Variants in FAM200B observed in about 807,000 individuals in gnomAD.
FAM200B encodes the protein zinc finger BED-type containing 11, also known as protein FAM200B.
Under a neutral mutation model 33.1 loss-of-function variants are expected in FAM200B, and 32 were observed. The ratio of observed to expected loss-of-function variants is 0.97; its 90% confidence interval spans 0.73 to 1.30. FAM200B has a LOEUF of 1.30. Among genes scored for constraint, FAM200B ranks in the 50% most tolerant of loss-of-function variants. FAM200B has a pLI of 0.00. For synonymous variants in FAM200B, 240 were observed against 264.8 expected (o/e 0.91, Z 0.91); for missense variants, 741 against 754.0 (o/e 0.98, Z 0.20).
At chr4:15,655,453 C>T in the FAM200B span, 4 of 928,346 alleles carry the variant, frequency 4.3e-6, no homozygotes, top group Non-Finnish European at 5.1e-6. Context: ...CAGGCCGCCG[C>T]CATGCGATCC....
chr4:15,683,920 C>G (rs1045831835), intron 1 of FAM200B, among the ~76,000 whole-genome samples: 3 of 152,186 alleles, frequency 2.0e-5, no homozygotes, highest in Non-Finnish European at 2.9e-5. Flanking sequence ...AAGCACTATT[C>G]TAGGAACAGG....
rs1718972760 is a variant in FAM200B, at chr4:15,687,462, T to C, written c.485T>C (p.Ile162Thr). Reference protein sequence around the residue: ...LVAYRVAKEKIANTAAEKIIL... With the variant: ...LVAYRVAKEKTANTAAEKIIL... ...GCATATCGTGTGGCAAAAGAGAAAATAGCTAACACAGCTGCTGAAAAAATT... is the reference window on the plus strand; with the variant it reads ...GCATATCGTGTGGCAAAAGAGAAAACAGCTAACACAGCTGCTGAAAAAATT... The change falls in exon 2 of 2, where the codon ATA (isoleucine) becomes ACA (threonine). Residue 162 changes from isoleucine (I) to threonine (T), a missense_variant. Coordinates refer to ENST00000422728, the MANE Select transcript of FAM200B (RefSeq NM_001145191.2). 6.4e-7 allele frequency: 1 copy of C among 1,551,188 alleles called. No homozygotes were observed.
At chr4:15,648,613 G>C in the FAM200B span, among the ~76,000 whole-genome samples, 1 of 152,206 alleles carries the variant, frequency 6.6e-6, no homozygotes, top group Non-Finnish European at 1.5e-5. Flanking sequence ...AAATAAGCCA[G>C]AGACAGAGAG....
the FAM200B span, among the ~76,000 whole-genome samples, chr4:15,663,320 T>G: frequency 6.6e-6 from 1 of 152,228 alleles, no homozygotes; most frequent in Non-Finnish European, 1.5e-5. Context: ...ATCTTTATTA[T>G]TAGACACCTA....
the FAM200B span, among the ~76,000 whole-genome samples, chr4:15,641,896 G>A: frequency 1.3e-5 from 2 of 151,912 alleles, no homozygotes; most frequent in Non-Finnish European, 2.9e-5. Context: ...GTGTAATGAT[G>A]GGCACCTGTA....
chr4:15,665,448 A>C, the FAM200B span, among the ~76,000 whole-genome samples: 1 of 152,186 alleles, frequency 6.6e-6, no homozygotes, highest in Non-Finnish European at 1.5e-5. Context: ...TCTACCTTGC[A>C]GGAATTACCC....
At chr4:15,640,713 T>G in the FAM200B span, 56 of 765,544 alleles carry the variant, frequency 7.3e-5, no homozygotes, top group Non-Finnish European at 9.7e-5. Context: ...ATGCATTATT[T>G]TGAAGAGTCT....
chr4:15,655,679 C>T, the FAM200B span, among the ~76,000 whole-genome samples: 1 of 152,222 alleles, frequency 6.6e-6, no homozygotes, highest in Admixed American at 6.5e-5. Context: ...CCACCACGGC[C>T]TTGAGGAGAG....
chr4:15,687,049 T>C lies in FAM200B; in HGVS notation c.72T>C (p.Ser24=), dbSNP rs1351406107. The C allele has an allele frequency of 6.5e-7, 1 of 1,529,904 alleles. No individual in the cohort carries two copies. The highest frequency in any genetic ancestry group is 8.8e-7 in the Non-Finnish European group (1 of 1,132,796). 94.8% of individuals were successfully genotyped at this position (1,529,904 alleles called of 1,614,324 possible). Residue 24 remains serine (S), a synonymous_variant, in exon 2 of 2, where the codon TCT becomes TCC. Transcript: ENST00000422728. ...VKYTEACSSS[S]VESGIVNSDN... ...ATACAGAAGCATGTTCAAGTTCATC[T>C]GTTGAATCTGGAATTGTGAATAGTG... is the stretch of plus-strand genomic sequence containing the variant.
chr4:15,644,348 A>G, the FAM200B span: 1 of 665,152 alleles, frequency 1.5e-6, no homozygotes, highest in South Asian at 2.0e-5. Flanking sequence ...CTTTTTAAAT[A>G]GTCTTCCTTG....
rs1718951949 is a variant in FAM200B, at chr4:15,687,360, A to T, written c.383A>T (p.Asp128Val). 6.5e-7 allele frequency: 1 copy of T among 1,546,446 alleles called. No homozygotes were observed. The highest frequency in any genetic ancestry group is 2.4e-5 in the East Asian group (1 of 40,822). The change falls in exon 2 of 2, where the codon GAC becomes GTC. Residue 128 changes from aspartate (D) to valine (V), a missense_variant. Transcript: ENST00000422728. Reference sequence around the variant, plus strand: ...GAATATTTTCAAAGAAAGAAAAAAGACATAAAGTTATCAACACAATTTCTT... The same window carrying T: ...GAATATTTTCAAAGAAAGAAAAAAGTCATAAAGTTATCAACACAATTTCTT... The part of the protein sequence containing the change: ...PLEYFQRKKK[D>V]IKLSTQFLSC...
At chr4:15,677,212 T>C (rs980976683), upstream of FAM200B, among the ~76,000 whole-genome samples, 7 of 152,232 alleles carry the variant, frequency 4.6e-5, no homozygotes, top group African/African-American at 1.7e-4. Flanking sequence ...ATGTTATGTT[T>C]CTTAATTTGG....
chr4:15,666,005 C>T, the FAM200B span, among the ~76,000 whole-genome samples: 1 of 148,868 alleles, frequency 6.7e-6, no homozygotes, highest in Admixed American at 6.8e-5. Flanking sequence ...CCTCAATTTC[C>T]TACTGACAAC....
chr4:15,664,439 T>C, the FAM200B span, among the ~76,000 whole-genome samples: 18 of 152,236 alleles, frequency 1.2e-4, no homozygotes, highest in Non-Finnish European at 2.4e-4. Context: ...GGCACTCTTA[T>C]GTGTCATCTG....
intron 1 of FAM200B, among the ~76,000 whole-genome samples, chr4:15,682,706 G>C (rs1415305267): frequency 2.0e-5 from 3 of 152,216 alleles, no homozygotes; most frequent in African/African-American, 7.2e-5. Flanking sequence ...TTTAGGCACT[G>C]TAGGTAGCTA....
chr4:15,655,000 C>A, the FAM200B span, among the ~76,000 whole-genome samples: 2 of 151,488 alleles, frequency 1.3e-5, no homozygotes, highest in Admixed American at 6.6e-5. Context: ...ACGTCCGAGG[C>A]GGCGGCCAGG....
chr4:15,654,343 G>A, the FAM200B span, among the ~76,000 whole-genome samples: 4 of 152,324 alleles, frequency 2.6e-5, no homozygotes, highest in South Asian at 8.3e-4. Context: ...TACGTGGAAT[G>A]TTAATATTGT....
At chr4:15,638,620 T>C in the FAM200B span, 3 of 1,613,620 alleles carry the variant, frequency 1.9e-6, no homozygotes, top group South Asian at 1.1e-5. Flanking sequence ...GAGAGCAGTG[T>C]TGTGCAATCA....
the FAM200B span, chr4:15,655,264 C>T: frequency 6.9e-7 from 1 of 1,439,900 alleles, no homozygotes; most frequent in Non-Finnish European, 9.3e-7. Context: ...TGAAGACGTC[C>T]ACTTCTTCAG....
Sources: gnomAD v4.1 joint callset for allele counts (sites outside exome capture counted in the v4.1 genomes callset) on GRCh38, gnomAD v4.1.1 for gene constraint, MANE v1.5 for transcripts, NCBI Gene and HGNC (gene_info 2026-07-23, HGNC 2026-07-21) for gene names.